DIS3L2: variants seen among roughly 807,000 people sequenced by gnomAD.
The protein encoded by DIS3L2 is DIS3 like 3'-5' exoribonuclease 2, also known as DIS3-like exonuclease 2.
Under a neutral mutation model 97.5 loss-of-function variants are expected in DIS3L2, and 34 were observed. The ratio of observed to expected loss-of-function variants is 0.35; its 90% CI spans 0.27 to 0.46. The LOEUF (loss-of-function observed/expected upper bound fraction) is 0.46, where lower values mean the gene tolerates loss of function less well. Among genes scored for constraint, DIS3L2 ranks in the 20% least tolerant of loss-of-function variants. DIS3L2 has a pLI of 1.00. For missense variants in DIS3L2, 1,038 were observed against 1,146.0 expected (o/e 0.91, Z 1.36); for synonymous variants, 435 against 445.2 (o/e 0.98, Z 0.29).
rs1690714963 is a variant in DIS3L2 at position 232,163,494 on chromosome 2, T to C, written c.986T>C (p.Ile329Thr). ...AAGAGTCTTGGGCAGGCTGGTGAAA[T>C]TGAGCCTGAAACAGAAGGAATACTA... Reference protein sequence around the residue: ...LAKSLGQAGEIEPETEGILTE... With the variant: ...LAKSLGQAGETEPETEGILTE... The change falls in exon 9 of 21, where the codon ATT becomes ACT. Residue 329 changes from isoleucine (I) to threonine (T), a missense_variant. Physicochemically the swap from Ile to Thr is moderately conservative, Grantham distance 89 (BLOSUM62 -1). Transcript: ENST00000325385. The C allele has an allele frequency of 2.5e-6, 4 of 1,614,078 alleles. No individual in the cohort carries two copies. The highest frequency in any genetic ancestry group is 3.4e-6 in the Non-Finnish European group (4 of 1,179,982).
chr2:232,175,016 A>G (rs1299350740), intron 9 of DIS3L2, among the ~76,000 whole-genome samples: 2 of 151,898 alleles, frequency 1.3e-5, no homozygotes, highest in African/African-American at 2.4e-5. Flanking sequence ...TTTTGTGGAG[A>G]TAGGGTTTTG....
chr2:232,172,893 T>C (rs1030792771), intron 9 of DIS3L2: 1 of 410,188 alleles, frequency 2.4e-6, no homozygotes, highest in Non-Finnish European at 4.8e-6. Context: ...TATTTTGATG[T>C]GCTTATTGGT....
chr2:232,237,689 C>T (rs1460654964), intron 10 of DIS3L2, among the ~76,000 whole-genome samples: 4 of 18,422 alleles, frequency 2.2e-4, no homozygotes, highest in South Asian at 3.1e-3. Context: ...TGGTTGGGGG[C>T]GGGGTGGTGG....
chr2:232,119,953 G>C (rs1244165495), intron 6 of DIS3L2, among the ~76,000 whole-genome samples: 1 of 152,150 alleles, frequency 6.6e-6, no homozygotes, highest in Non-Finnish European at 1.5e-5. Flanking sequence ...TATTCCTTGG[G>C]TATCAGCTTC....
chr2:232,314,999 T>A (rs1695230748), intron 14 of DIS3L2, among the ~76,000 whole-genome samples: 1 of 152,198 alleles, frequency 6.6e-6, no homozygotes, highest in Non-Finnish European at 1.5e-5. Flanking sequence ...CAACCACAGG[T>A]TTGCATCCCC....
At chr2:232,132,587 C>A (rs78698094) in intron 7 of DIS3L2, among the ~76,000 whole-genome samples, 1 of 152,164 alleles carries the variant, frequency 6.6e-6, no homozygotes, top group African/African-American at 2.4e-5. Context: ...TGGCCCAGGC[C>A]TAGTGTTTCT....
intron 10 of DIS3L2, among the ~76,000 whole-genome samples, chr2:232,219,130 G>A (rs111788071): frequency 3.5e-4 from 53 of 152,232 alleles, no homozygotes; most frequent in African/African-American, 1.1e-3. Flanking sequence ...ATAAACCTCC[G>A]CAGAACTTTC....
intron 9 of DIS3L2, among the ~76,000 whole-genome samples, chr2:232,165,373 G>A (rs978362979): frequency 5.9e-5 from 9 of 152,108 alleles, no homozygotes; most frequent in African/African-American, 1.2e-4. Context: ...GTGTGTATAC[G>A]TATACACATC....
intron 1 of DIS3L2, among the ~76,000 whole-genome samples, chr2:231,992,372 A>G (rs1253847594): frequency 3.3e-5 from 5 of 152,100 alleles, no homozygotes; most frequent in African/African-American, 7.2e-5. Context: ...ACCTGTCCCC[A>G]GCCTCCCCTC....
chr2:232,012,975 A>G (rs1015959643), intron 1 of DIS3L2, among the ~76,000 whole-genome samples: 7 of 152,128 alleles, frequency 4.6e-5, no homozygotes, highest in Admixed American at 1.3e-4. Context: ...GGATTGCCCC[A>G]TGTGGAGGCA....
At chr2:232,224,408 A>G (rs1473235086) in intron 10 of DIS3L2, among the ~76,000 whole-genome samples, 2 of 152,260 alleles carry the variant, frequency 1.3e-5, no homozygotes, top group South Asian at 2.1e-4. Flanking sequence ...TAAAGATAAC[A>G]TAAGAAAAAT....
chr2:232,070,244 C>A (rs1404401100), intron 5 of DIS3L2, among the ~76,000 whole-genome samples: 1 of 152,080 alleles, frequency 6.6e-6, no homozygotes, highest in African/African-American at 2.4e-5. Context: ...CCAGCCTGGG[C>A]AACAGAGGTG....
At chr2:232,271,802 G>A (rs1019831838) in intron 13 of DIS3L2, among the ~76,000 whole-genome samples, 37 of 152,210 alleles carry the variant, frequency 2.4e-4, no homozygotes, top group African/African-American at 8.7e-4. Context: ...ACCTGGGAGC[G>A]TGAATTTCAG....
intron 5 of DIS3L2, among the ~76,000 whole-genome samples, chr2:232,086,973 G>A (rs1285567855): frequency 6.6e-6 from 1 of 151,852 alleles, no homozygotes; most frequent in Admixed American, 6.6e-5. Flanking sequence ...GAGCCACCGC[G>A]CCTGGCCAAT....
chr2:232,110,687 G>A (rs923177423), intron 6 of DIS3L2, among the ~76,000 whole-genome samples: 1 of 152,102 alleles, frequency 6.6e-6, no homozygotes, highest in East Asian at 1.9e-4. Flanking sequence ...AATACACACC[G>A]GGGCCTGTCA....
intron 9 of DIS3L2, among the ~76,000 whole-genome samples, chr2:232,189,945 A>G (rs1691563923): frequency 6.6e-6 from 1 of 152,232 alleles, no homozygotes; most frequent in African/African-American, 2.4e-5. Flanking sequence ...AAAGTAATAT[A>G]ATGTGAGGCA....
chr2:232,068,767 A>G (rs1032692215), intron 5 of DIS3L2, among the ~76,000 whole-genome samples: 1 of 151,772 alleles, frequency 6.6e-6, no homozygotes, highest in Non-Finnish European at 1.5e-5. Context: ...TTTTTTTATT[A>G]TATACTGTTT....
chr2:232,340,965 A>G (rs1696090406), downstream of DIS3L2: 1 of 469,812 alleles, frequency 2.1e-6, no homozygotes, highest in South Asian at 1.6e-5. Context: ...GAAATGATGA[A>G]TGCCTTCCTG....
intron 1 of DIS3L2, among the ~76,000 whole-genome samples, chr2:231,962,437 C>T (rs1338643565): frequency 5.0e-4 from 66 of 132,052 alleles, no homozygotes; most frequent in African/African-American, 1.6e-3. Flanking sequence ...CTACCGTTAC[C>T]TTTTTTTTTT....
Sources: gnomAD v4.1 joint callset for allele counts (sites outside exome capture counted in the v4.1 genomes callset) on GRCh38, gnomAD v4.1.1 for gene constraint, MANE v1.5 for transcripts, NCBI Gene and HGNC (gene_info 2026-07-23, HGNC 2026-07-21) for gene names.